RPH3AL: variants seen among roughly 807,000 people sequenced by gnomAD.
RPH3AL encodes the protein rabphilin 3A like (without C2 domains).
Under a neutral mutation model 43.1 loss-of-function variants are expected in RPH3AL, and 38 were observed. The observed-to-expected ratio is 0.88, with a 90% CI of 0.68 to 1.15. The LOEUF (loss-of-function observed/expected upper bound fraction) is 1.15, where lower values mean the gene tolerates loss of function less well. Ranked by LOEUF, RPH3AL falls within the 50% of genes most tolerant of loss-of-function variation. The pLI, the probability that RPH3AL is intolerant of heterozygous loss-of-function variation, is 0.00. For synonymous variants in RPH3AL, 189 were observed against 176.3 expected (o/e 1.07, Z -0.57); for missense variants, 462 against 423.2 (o/e 1.09, Z -0.81).
chr17:265,070 GA>G (rs1433797563), intron 6 of RPH3AL, among the ~76,000 whole-genome samples: 2 of 152,200 alleles, frequency 1.3e-5, no homozygotes, highest in Admixed American at 6.5e-5. Context: ...CATACTTTAT[GA>G]GAAGAGGGAA....
intron 6 of RPH3AL, among the ~76,000 whole-genome samples, chr17:259,041 G>A (rs945282654): frequency 9.9e-5 from 15 of 152,204 alleles, no homozygotes; most frequent in Middle Eastern, 3.4e-3. Flanking sequence ...GTGCCTCCCC[G>A]GGGCTCTGTG....
chr17:244,455 G>A lies in RPH3AL; in HGVS notation c.613+2656C>T, dbSNP rs77587990. Among the ~76,000 whole-genome samples the A allele has an allele frequency of 4.3e-3, 649 of 152,142 alleles. 5 individuals are homozygous for A. The highest frequency in any genetic ancestry group is 0.015 in the African/African-American group (616 of 41,506). ...AAGAGAATGGGGGGGGAGAGGGAGA[G>A]AAAGAACTGGAGGTGGGCAAAGAGG... On this transcript the variant is annotated intron_variant, in intron 7 of 9. Coordinates refer to ENST00000331302, the MANE Select transcript of RPH3AL (RefSeq NM_006987.4).
In RPH3AL at chr17:290,327, G is replaced by A. The variant is rs1030708009; in HGVS notation, c.352-8473C>T. Among the ~76,000 whole-genome samples the A allele has an allele frequency of 2.6e-5, 4 of 152,212 alleles. No individual in the cohort carries two copies. Among genetic ancestry groups the A allele is most frequent in the Non-Finnish European group, 5.9e-5 (4 of 68,036 alleles). On this transcript the variant is annotated intron_variant, in intron 5 of 9. Coordinates refer to ENST00000331302, the MANE Select transcript of RPH3AL (RefSeq NM_006987.4). This position sits in a 1 kb window ranked among gnomAD's most constrained non-coding sequence, Gnocchi z 4.2. ...TGGCCAGGTGGGCCTCAGTCTCAGGGTATGGAGCATAAACCCAGGCTGGCC... is the reference window on the plus strand; with the variant it reads ...TGGCCAGGTGGGCCTCAGTCTCAGGATATGGAGCATAAACCCAGGCTGGCC...
chr17:331,883 T>C (rs76348932), intron 2 of RPH3AL: 48,125 of 1,288,498 alleles, frequency 0.037, 1,012 homozygotes, highest in Non-Finnish European at 0.043. Context: ...CCATTTGTCC[T>C]GGACAAAAAT....
chr17:247,021 G>GC (rs1478085285), intron 7 of RPH3AL, 90 bp downstream of exon 7: 104 of 1,393,838 alleles, frequency 7.5e-5, no homozygotes, highest in Admixed American at 1.0e-4. Context: ...TGGAGGGTGC[G>GC]GGGGACTGGC....
At chr17:273,035 G>A (rs71369978) in intron 6 of RPH3AL, among the ~76,000 whole-genome samples, 497 of 85,900 alleles carry the variant, frequency 5.8e-3, no homozygotes, top group African/African-American at 0.018. Context: ...AGACCCCAGC[G>A]AGGGCGACGT....
rs1165910245 is a variant in RPH3AL, at chr17:283,575, T to G, written c.352-1721A>C. Among the ~76,000 whole-genome samples the G allele has an allele frequency of 3.3e-5, 5 of 152,140 alleles. No individual in the cohort carries two copies. The highest frequency in any genetic ancestry group is 2.6e-4 in the Admixed American group (4 of 15,278). ...ATGAAGGTCCTAGGCTTGGGGTGTT[T>G]GATGGCCCAGATCTGCAGAGGGTCC... is the stretch of plus-strand genomic sequence containing the variant. On this transcript the variant is annotated intron_variant, in intron 5 of 9. Transcript: ENST00000331302. This position sits in a 1 kb window ranked among gnomAD's most constrained non-coding sequence, Gnocchi z 4.2.
At chr17:331,061 G>C (rs2044742692) in intron 2 of RPH3AL, 1 of 144,544 alleles carries the variant, frequency 6.9e-6, no homozygotes, top group African/African-American at 2.5e-5. Context: ...TTACATGAGG[G>C]AGGCGAGGGA....
At chr17:298,515 A>G (rs1432559983) in intron 5 of RPH3AL, among the ~76,000 whole-genome samples, 1 of 150,372 alleles carries the variant, frequency 6.7e-6, no homozygotes, top group Non-Finnish European at 1.5e-5. Context: ...TGGTCAATAC[A>G]GCGAAACCCC....
intron 7 of RPH3AL, among the ~76,000 whole-genome samples, chr17:222,483 ATGT>A (rs1883705671): frequency 6.6e-6 from 1 of 152,188 alleles, no homozygotes; most frequent in South Asian, 2.1e-4. Context: ...GGAGGTGAGG[ATGT>A]TGTCACAGTG....
intron 6 of RPH3AL, chr17:261,565 T>A (rs1177059069): frequency 6.6e-6 from 1 of 152,174 alleles, no homozygotes; most frequent in Non-Finnish European, 1.5e-5. Flanking sequence ...TTGACTACCA[T>A]GGAAAAGATA....
intron 6 of RPH3AL, among the ~76,000 whole-genome samples, chr17:250,354 C>T (rs146135132): frequency 1.3e-3 from 165 of 128,378 alleles, no homozygotes; most frequent in African/African-American, 4.9e-3. Flanking sequence ...CCTCTCAGAG[C>T]CTTTACCAAG....
At chr17:275,685 T>C (rs1453583101) in intron 6 of RPH3AL, among the ~76,000 whole-genome samples, 3 of 152,288 alleles carry the variant, frequency 2.0e-5, no homozygotes, top group East Asian at 3.9e-4. Context: ...TAGCTGAGGC[T>C]ACAGGCGTGT....
chr17:297,478 G>A lies in RPH3AL; in HGVS notation c.352-15624C>T, dbSNP rs573420472. Among the ~76,000 whole-genome samples the A allele has an allele frequency of 8.9e-4, 135 of 152,286 alleles. No individual in the cohort carries two copies. The Middle Eastern group carries it at 0.01, about 12-fold the overall frequency. On this transcript the variant is annotated intron_variant, in intron 5 of 9. Transcript: ENST00000331302. ...TCCTGGGACCGAGCCCTCGTCCTGT[G>A]GGATCTGATGCTACCTCCGGGTAGA...
chr17:303,529 T>C (rs12449428), intron 5 of RPH3AL, among the ~76,000 whole-genome samples: 27,137 of 37,350 alleles, frequency 0.73, 11,956 homozygotes, highest in Middle Eastern at 0.83. Flanking sequence ...GTGACCGTGT[T>C]TCAGGAAAGA....
At chr17:224,764 C>T (rs981826767) in intron 7 of RPH3AL, among the ~76,000 whole-genome samples, 9 of 152,102 alleles carry the variant, frequency 5.9e-5, no homozygotes, top group Non-Finnish European at 1.2e-4. Flanking sequence ...CACATATACA[C>T]CATGGAGTAC....
At chr17:315,563 G>GC (rs200819132) in intron 5 of RPH3AL, among the ~76,000 whole-genome samples, 2 of 36,200 alleles carry the variant, frequency 5.5e-5, no homozygotes, top group Non-Finnish European at 7.2e-5. Context: ...TAGTCCCTGT[G>GC]CCCCACCTCC....
chr17:241,975 G>A (rs1374456407), intron 7 of RPH3AL, among the ~76,000 whole-genome samples: 1 of 152,028 alleles, frequency 6.6e-6, no homozygotes, highest in African/African-American at 2.4e-5. Flanking sequence ...AAATTAGCCA[G>A]GTTTGGTGGT....
Position 290,853 on chromosome 17 carries a change from G to A in RPH3AL, c.352-8999C>T, listed in dbSNP as rs1000487327. ...CAGTCACTGGCAGCCTCACACTCCT[G>A]GACGGGCCGGGACAGCTTCACAGCG... On this transcript the variant is annotated intron_variant, in intron 5 of 9. Coordinates refer to ENST00000331302, the MANE Select transcript of RPH3AL (RefSeq NM_006987.4). The surrounding 1 kb of genome is among the most constrained non-coding windows in gnomAD (Gnocchi z 4.2). Among the ~76,000 whole-genome samples, 2 of 152,162 alleles carry A rather than the reference G, an allele frequency of 1.3e-5. No homozygotes were observed. Among genetic ancestry groups the A allele is most frequent in the Admixed American group, 6.5e-5 (1 of 15,274 alleles).
Sources: allele counts gnomAD v4.1 joint callset (sites outside exome capture counted in the v4.1 genomes callset), GRCh38; gene constraint gnomAD v4.1.1; non-coding constraint Gnocchi (gnomAD v3.1); transcripts MANE v1.5; gene names NCBI Gene and HGNC (gene_info 2026-07-23, HGNC 2026-07-21).